Variants in HAT1 observed in about 807,000 individuals in gnomAD.
HAT1 encodes histone acetyltransferase type B catalytic subunit.
A neutral mutation model predicts 56.6 loss-of-function variants in HAT1; 20 were observed. That is an observed-to-expected ratio of 0.35 (90% CI 0.25 to 0.51). HAT1 has a LOEUF of 0.51. Among genes scored for constraint, HAT1 ranks in the 20% least tolerant of loss-of-function variants. HAT1 has a pLI of 0.95. For missense variants in HAT1, 408 were observed against 504.3 expected (o/e 0.81, Z 1.83); for synonymous variants, 146 against 165.5 (o/e 0.88, Z 0.91).
intron 8 of HAT1, among the ~76,000 whole-genome samples, chr2:171,968,371 G>A (rs1446494661): frequency 6.6e-6 from 1 of 152,116 alleles, no homozygotes; most frequent in Non-Finnish European, 1.5e-5. Context: ...TTAATGTGGA[G>A]TTCACATAAG....
intron 2 of HAT1, among the ~76,000 whole-genome samples, chr2:171,940,984 C>T (rs976998771): frequency 6.6e-6 from 1 of 152,050 alleles, no homozygotes. Flanking sequence ...GTGACTGAGA[C>T]AAGTGTACAG....
At chr2:171,952,397 A>G (rs1293064677) in intron 3 of HAT1, among the ~76,000 whole-genome samples, 3 of 152,182 alleles carry the variant, frequency 2.0e-5, no homozygotes, top group Admixed American at 2.0e-4. Context: ...GAGTTCATAG[A>G]GCAGTTTACA....
At chr2:171,928,519 T>C (rs1017873579) in intron 2 of HAT1, among the ~76,000 whole-genome samples, 3 of 152,184 alleles carry the variant, frequency 2.0e-5, no homozygotes, top group Non-Finnish European at 4.4e-5. Flanking sequence ...TTTTTGTTGT[T>C]GTTGTTTGAG....
rs1160977414 is a variant in HAT1, at chr2:171,983,220, T to C, written c.1128T>C (p.Cys376=). The change falls in exon 11 of 11, where the codon TGT becomes TGC. Residue 376 remains cysteine (C), a synonymous_variant. Coordinates refer to ENST00000264108, the MANE Select transcript of HAT1 (RefSeq NM_003642.4). The part of the protein sequence containing the change: ...KQRDLAKMRK[C]LRPEELTNQM... ...GAGATCTTGCTAAGATGAGAAAATG[T>C]CTCAGACCAGAAGAACTGACAAACC... 1.9e-6 allele frequency: 3 copies of C among 1,598,542 alleles called. No homozygotes were observed. The highest frequency in any genetic ancestry group is 1.8e-5 in the Admixed American group (1 of 57,006).
intron 10 of HAT1, among the ~76,000 whole-genome samples, chr2:171,981,661 CACAGATGTATGA>C (rs1247228940): frequency 6.6e-6 from 1 of 152,126 alleles, no homozygotes; most frequent in Non-Finnish European, 1.5e-5. Flanking sequence ...TGAATTCATA[CACAGATGTATGA>C]ATAGTTCCTC....
intron 8 of HAT1, among the ~76,000 whole-genome samples, chr2:171,972,714 G>C (rs1687849547): frequency 6.6e-6 from 1 of 152,212 alleles, no homozygotes; most frequent in Non-Finnish European, 1.5e-5. Context: ...CCAGTTCCTG[G>C]TATCTGCTCC....
intron 2 of HAT1, among the ~76,000 whole-genome samples, chr2:171,945,557 G>A (rs1687140901): frequency 6.9e-6 from 1 of 145,306 alleles, no homozygotes; most frequent in African/African-American, 2.6e-5. Context: ...GCAGTGGCAT[G>A]ATCTTGGCTC....
At chr2:171,932,154 A>G (rs750641741) in intron 2 of HAT1, among the ~76,000 whole-genome samples, 2 of 152,164 alleles carry the variant, frequency 1.3e-5, no homozygotes, top group Non-Finnish European at 2.9e-5. Context: ...CTTGCATGCC[A>G]GTATATTATC....
intron 1 of HAT1, among the ~76,000 whole-genome samples, chr2:171,925,180 C>G (rs12468218): frequency 0.21 from 30,627 of 148,488 alleles, 4,291 homozygotes; most frequent in African/African-American, 0.38. Flanking sequence ...TCAAGAGATT[C>G]TCCTGCCTCA....
intron 2 of HAT1, among the ~76,000 whole-genome samples, chr2:171,935,437 C>A (rs981144046): frequency 2.1e-5 from 3 of 144,030 alleles, no homozygotes; most frequent in Non-Finnish European, 4.5e-5. Context: ...ATCGTTTGAA[C>A]CTTGGAGGCC....
chr2:171,929,815 G>A (rs938684398), intron 2 of HAT1, among the ~76,000 whole-genome samples: 9 of 152,098 alleles, frequency 5.9e-5, no homozygotes, highest in South Asian at 2.1e-4. Context: ...TGTCAATATC[G>A]TACTGTCTGG....
chr2:171,938,812 C>T (rs1686942632), intron 2 of HAT1, among the ~76,000 whole-genome samples: 2 of 152,048 alleles, frequency 1.3e-5, no homozygotes, highest in African/African-American at 4.8e-5. Flanking sequence ...GCAGTCTCAG[C>T]TCACTGCAAC....
At chr2:171,951,681 G>A (rs34868725) in intron 3 of HAT1, among the ~76,000 whole-genome samples, 231 of 137,266 alleles carry the variant, frequency 1.7e-3, no homozygotes, top group African/African-American at 6.4e-3. Flanking sequence ...ATCCCCCCCC[G>A]CCTCAGCATC....
chr2:171,977,443 C>CAG (rs1419611268), intron 9 of HAT1, among the ~76,000 whole-genome samples: 5 of 131,826 alleles, frequency 3.8e-5, no homozygotes, highest in African/African-American at 5.5e-5. Flanking sequence ...GCCTGGGCAA[C>CAG]AGAGAGAGAC....
chr2:171,922,587 C>G (rs1016090218), intron 1 of HAT1, 80 bp downstream of exon 1: 31 of 1,167,376 alleles, frequency 2.7e-5, no homozygotes, highest in Non-Finnish European at 3.4e-5. Context: ...GTGACAATGC[C>G]CGCCTAGAAC....
In HAT1 at chr2:171,950,023, C is replaced by G. The variant is rs79870113; in HGVS notation, c.189-2858C>G. Among the ~76,000 whole-genome samples, 102 of 152,298 alleles carry G rather than the reference C, an allele frequency of 6.7e-4. 1 individual carries two copies. In the East Asian group the frequency reaches 0.014, roughly 21 times the overall value. On this transcript the variant is annotated intron_variant, in intron 3 of 10. Transcript: ENST00000264108. ...TGTTAGTTCTGGAGTCAGTCAGTCT[C>G]CCATGGAACCCCTGGTTTGTTGTAG...
At chr2:171,965,072 A>G (rs908667266) in intron 4 of HAT1, 2 of 332,972 alleles carry the variant, frequency 6.0e-6, no homozygotes, top group African/African-American at 4.3e-5. Context: ...CATAATGGAA[A>G]TGTCCATAGC....
At chr2:171,979,452 C>A in intron 10 of HAT1, 89 bp downstream of exon 10, 1 of 705,874 alleles carries the variant, frequency 1.4e-6, no homozygotes, top group Non-Finnish European at 2.6e-6. Context: ...TGAGAGAGTC[C>A]AAGTCATTTT....
chr2:171,947,680 A>G (rs909700120), intron 3 of HAT1, among the ~76,000 whole-genome samples: 1 of 152,200 alleles, frequency 6.6e-6, no homozygotes. Flanking sequence ...GGAGTTCCAG[A>G]CCGGCCTGGC....
Sources: gnomAD v4.1 joint callset for allele counts (sites outside exome capture counted in the v4.1 genomes callset) on GRCh38, gnomAD v4.1.1 for gene constraint, MANE v1.5 for transcripts, NCBI Gene and HGNC (gene_info 2026-07-23, HGNC 2026-07-21) for gene names.